The following NR3C2 variants were observed in gnomAD, a reference collection of about 807,000 sequenced individuals.
NR3C2 encodes the protein mineralocorticoid receptor.
NR3C2 carries 15 observed loss-of-function variants against 86.4 expected under a neutral mutation model. The ratio of observed to expected loss-of-function variants is 0.17; its 90% CI spans 0.12 to 0.27. The LOEUF (loss-of-function observed/expected upper bound fraction) is 0.27, where lower values mean the gene tolerates loss of function less well. Ranked by LOEUF, NR3C2 falls within the 10% of genes least tolerant of loss-of-function variation. The probability of loss-of-function intolerance (pLI) is 1.00; values close to 1 mark genes in which losing one functional copy is unlikely to be tolerated. For synonymous variants in NR3C2, 458 were observed against 450.5 expected (o/e 1.02, Z -0.21); for missense variants, 960 against 1,195.6 (o/e 0.80, Z 2.91).
rs1036228078 is a variant in NR3C2, at chr4:148,389,295, C to T, written c.1757+45809G>A. ...AAAAAGGGACTCACTGCAGAGAGAA[C>T]TTGGCCTACCTGTGTAGGAATAGAA... On this transcript the variant is annotated intron_variant, in intron 2 of 8. Coordinates refer to ENST00000358102, the MANE Select transcript of NR3C2 (RefSeq NM_000901.5). Among the ~76,000 whole-genome samples the T allele has an allele frequency of 1.3e-4, 20 of 152,152 alleles. 1 individual carries two copies. Among genetic ancestry groups the T allele is most frequent in the Admixed American group, 9.2e-4 (14 of 15,282 alleles).
Position 148,080,053 on chromosome 4 carries a change from T to C in NR3C2, c.*1291A>G, listed in dbSNP as rs61763139. ...AGCCATCAAGTTCCCAGTCTCACTC[T>C]CGTAGAGCTGGTTCTGCTTCTAGAG... On this transcript the variant is annotated 3_prime_UTR_variant, in exon 9 of 9. Transcript: ENST00000358102. The C allele has an allele frequency of 2.6e-5, 4 of 152,192 alleles. No homozygotes were observed. Among genetic ancestry groups the C allele is most frequent in the Non-Finnish European group, 5.9e-5 (4 of 68,038 alleles). 9.4% of individuals were successfully genotyped at this position (152,192 alleles called of 1,614,324 possible).
intron 4 of NR3C2, among the ~76,000 whole-genome samples, chr4:148,168,947 G>GCATC (rs75978190): frequency 0.17 from 25,272 of 151,974 alleles, 2,382 homozygotes; most frequent in African/African-American, 0.25. Flanking sequence ...TAATTACCAT[G>GCATC]CATCACTCTA....
intron 2 of NR3C2, among the ~76,000 whole-genome samples, chr4:148,340,494 C>A (rs1186395615): frequency 3.9e-5 from 6 of 152,032 alleles, no homozygotes; most frequent in Non-Finnish European, 7.4e-5. Flanking sequence ...TTAAATTGAA[C>A]TAACAACTTA....
At chr4:148,193,338 C>G (rs541504513) in intron 4 of NR3C2, among the ~76,000 whole-genome samples, 2 of 152,208 alleles carry the variant, frequency 1.3e-5, no homozygotes, top group African/African-American at 4.8e-5. Flanking sequence ...GGGTGTCTCC[C>G]AGGTCCTCCG....
At chr4:148,206,420 T>C (rs907471362) in intron 3 of NR3C2, among the ~76,000 whole-genome samples, 2 of 152,186 alleles carry the variant, frequency 1.3e-5, no homozygotes, top group Non-Finnish European at 2.9e-5. Flanking sequence ...AATATGTATG[T>C]TTGAGATAAA....
intron 8 of NR3C2, among the ~76,000 whole-genome samples, chr4:148,085,966 C>G (rs1354176983): frequency 6.6e-6 from 1 of 152,144 alleles, no homozygotes; most frequent in Non-Finnish European, 1.5e-5. Context: ...ATAACAAGTT[C>G]TGAAATTGGG....
chr4:148,094,813 G>A (rs1379847433), intron 8 of NR3C2, among the ~76,000 whole-genome samples: 1 of 151,672 alleles, frequency 6.6e-6, no homozygotes, highest in Non-Finnish European at 1.5e-5. Flanking sequence ...AGCTCAAAAG[G>A]TCCATCCACA....
chr4:148,081,091 C>T lies in NR3C2; in HGVS notation c.*253G>A, dbSNP rs965988613. 1.9e-6 allele frequency: 1 copy of T among 520,368 alleles called. No individual in the cohort carries two copies. Among genetic ancestry groups the T allele is most frequent in the Non-Finnish European group, 3.5e-6 (1 of 285,588 alleles). The allele number at this position is 520,368 out of a possible 1,614,324, so 32.2% of individuals were successfully genotyped here. On this transcript the variant is annotated 3_prime_UTR_variant, in exon 9 of 9. Coordinates refer to ENST00000358102, the MANE Select transcript of NR3C2 (RefSeq NM_000901.5). ...TTATTGACTAGATATGGCTTTTCAT[C>T]CCGAGGAACAGGAACATGTTTCTAA...
intron 2 of NR3C2, among the ~76,000 whole-genome samples, chr4:148,340,472 C>CA (rs374187260): frequency 1.3e-5 from 2 of 152,016 alleles, no homozygotes; most frequent in Non-Finnish European, 2.9e-5. Context: ...TTACCATATG[C>CA]AAAAAATCAA....
chr4:148,421,195 A>T (rs1307900316), intron 2 of NR3C2, among the ~76,000 whole-genome samples: 1 of 152,212 alleles, frequency 6.6e-6, no homozygotes, highest in Non-Finnish European at 1.5e-5. Context: ...AATAAAATAT[A>T]CATAAAATTT....
At chr4:148,386,359 A>G (rs551333446) in intron 2 of NR3C2, among the ~76,000 whole-genome samples, 1 of 152,310 alleles carries the variant, frequency 6.6e-6, no homozygotes, top group South Asian at 2.1e-4. Flanking sequence ...GAAAACGAGC[A>G]TACCTCAGCT....
chr4:148,294,272 C>T (rs899483764), intron 2 of NR3C2, among the ~76,000 whole-genome samples: 5 of 152,152 alleles, frequency 3.3e-5, no homozygotes, highest in African/African-American at 7.2e-5. Context: ...GAGACAAATG[C>T]TTAGCACAGT....
intron 1 of NR3C2, among the ~76,000 whole-genome samples, chr4:148,438,296 A>G (rs976584448): frequency 1.3e-5 from 2 of 152,168 alleles, no homozygotes; most frequent in African/African-American, 4.8e-5. Flanking sequence ...ATGTCTCCAG[A>G]CATTACCAAA....
upstream of NR3C2, chr4:148,443,871 G>C (rs1003960682): frequency 2.0e-5 from 9 of 447,728 alleles, no homozygotes; most frequent in Admixed American, 2.6e-4. Context: ...CCCTAACCCA[G>C]GGCTGAGACT....
At chr4:148,419,069 C>A (rs953385834) in intron 2 of NR3C2, among the ~76,000 whole-genome samples, 4 of 151,360 alleles carry the variant, frequency 2.6e-5, no homozygotes. Flanking sequence ...GGTCACCCTG[C>A]ATTCTCTATT....
At chr4:148,205,302 C>T (rs1736948377) in intron 3 of NR3C2, among the ~76,000 whole-genome samples, 1 of 152,280 alleles carries the variant, frequency 6.6e-6, no homozygotes, top group South Asian at 2.1e-4. Flanking sequence ...TTAAATTAGA[C>T]TAGTTTTGGG....
At chr4:148,443,914 T>G, upstream of NR3C2, 1 of 847,580 alleles carries the variant, frequency 1.2e-6, no homozygotes, top group Non-Finnish European at 1.4e-6. Context: ...AGGAACTCCC[T>G]GGAGATAGGG....
At chr4:148,182,303 C>T (rs11099681) in intron 4 of NR3C2, among the ~76,000 whole-genome samples, 118,224 of 152,094 alleles carry the variant, frequency 0.78, 46,601 homozygotes, top group African/African-American at 0.92. Context: ...GTGTTTCTTT[C>T]TCCCAAATTG....
chr4:148,260,959 G>A (rs907369289), intron 2 of NR3C2, among the ~76,000 whole-genome samples: 4 of 152,184 alleles, frequency 2.6e-5, no homozygotes, highest in African/African-American at 9.7e-5. Flanking sequence ...TTCAGTGACA[G>A]TTTAGATATG....
Sources: allele counts gnomAD v4.1 joint callset (sites outside exome capture counted in the v4.1 genomes callset), GRCh38; gene constraint gnomAD v4.1.1; transcripts MANE v1.5; gene names NCBI Gene and HGNC (gene_info 2026-07-23, HGNC 2026-07-21).